The following ZNF385D variants were observed in gnomAD, a reference collection of about 807,000 sequenced individuals.
ZNF385D encodes the protein zinc finger protein 385D.
A neutral mutation model predicts 35.8 loss-of-function variants in ZNF385D; 15 were observed. The ratio of observed to expected loss-of-function variants is 0.42; its 90% CI spans 0.28 to 0.64. The LOEUF is 0.64. Ranked by LOEUF, ZNF385D falls within the 30% of genes least tolerant of loss-of-function variation. The pLI, the probability that ZNF385D is intolerant of heterozygous loss-of-function variation, is 0.23. For synonymous variants in ZNF385D, 212 were observed against 186.8 expected, an observed-to-expected ratio of 1.13 and a Z score of -1.10; for missense variants, 474 against 494.6, an observed-to-expected ratio of 0.96 and a Z score of 0.39.
chr3:22,101,913 G>T (rs947403465), intron 3 of ZNF385D, among the ~76,000 whole-genome samples: 2 of 151,436 alleles, frequency 1.3e-5, no homozygotes, highest in African/African-American at 4.9e-5. Context: ...ATTTACTCAA[G>T]TAACAGAGTA....
Position 22,022,546 on chromosome 3 carries a change from A to G in ZNF385D, c.325+146271T>C, listed in dbSNP as rs1697290150. Among the ~76,000 whole-genome samples the G allele has an allele frequency of 2.0e-5, 3 of 152,172 alleles. 1 individual carries two copies. The South Asian group carries it at 6.2e-4, about 31-fold the overall frequency. On this transcript the variant is annotated intron_variant, in intron 3 of 5. Transcript: ENST00000494108. The stretch of plus-strand genomic sequence containing the variant: ...AGCAAATATACCCCAAAGGAAATCA[A>G]GAAAAAAGAAATGATTTATCATAAA...
At chr3:22,092,267 G>A (rs913494677) in intron 3 of ZNF385D, among the ~76,000 whole-genome samples, 1 of 152,148 alleles carries the variant, frequency 6.6e-6, no homozygotes, top group Non-Finnish European at 1.5e-5. Context: ...AAGCTACTAA[G>A]GGGGAAATTG....
At chr3:21,661,310 C>T (rs1382536218) in intron 2 of ZNF385D, among the ~76,000 whole-genome samples, 2 of 152,168 alleles carry the variant, frequency 1.3e-5, no homozygotes, top group Non-Finnish European at 1.5e-5. Context: ...GTACATCTTT[C>T]TGTATAAACA....
chr3:22,240,011 TA>T (rs1421781862), intron 2 of ZNF385D, among the ~76,000 whole-genome samples: 33 of 147,074 alleles, frequency 2.2e-4, no homozygotes, highest in Admixed American at 2.2e-3. Flanking sequence ...ACCCAGTCTC[TA>T]CAAAAAAAAA....
At chr3:22,005,413 A>G (rs887183297) in intron 3 of ZNF385D, among the ~76,000 whole-genome samples, 37 of 152,090 alleles carry the variant, frequency 2.4e-4, no homozygotes, top group African/African-American at 8.7e-4. Context: ...AATAAGGGAG[A>G]TCTATTGTTC....
chr3:22,037,991 T>C (rs1216469859), intron 3 of ZNF385D, among the ~76,000 whole-genome samples: 2 of 152,064 alleles, frequency 1.3e-5, no homozygotes, highest in Non-Finnish European at 2.9e-5. Context: ...GATTCCCTAT[T>C]TAATAAATGG....
chr3:22,206,278 A>G (rs1473614393), intron 2 of ZNF385D, among the ~76,000 whole-genome samples: 2 of 152,038 alleles, frequency 1.3e-5, no homozygotes, highest in Non-Finnish European at 2.9e-5. Context: ...CCAGATATAT[A>G]AAGCAAATAT....
At chr3:22,211,524 C>G (rs17011017) in intron 2 of ZNF385D, among the ~76,000 whole-genome samples, 1 of 151,638 alleles carries the variant, frequency 6.6e-6, no homozygotes, top group African/African-American at 2.4e-5. Flanking sequence ...AGACTAGGCT[C>G]GGATTTCATT....
intron 3 of ZNF385D, among the ~76,000 whole-genome samples, chr3:21,560,405 G>A (rs2062899050): frequency 6.6e-6 from 1 of 152,078 alleles, no homozygotes; most frequent in Non-Finnish European, 1.5e-5. Flanking sequence ...TCTTCTAATA[G>A]GCCCCTCTGC....
intron 3 of ZNF385D, among the ~76,000 whole-genome samples, chr3:21,820,046 CAGTA>C (rs753753958): frequency 2.6e-5 from 4 of 151,000 alleles, no homozygotes; most frequent in East Asian, 2.0e-4. Context: ...ATATAAAAAA[CAGTA>C]AGAATATAAA....
rs73048365 is a variant in ZNF385D, at chr3:21,508,823, T to G, written c.439+2038A>C. Among the ~76,000 whole-genome samples the G allele has an allele frequency of 3.4e-3, 522 of 152,314 alleles. 1 individual carries two copies. Among genetic ancestry groups the G allele is most frequent in the Non-Finnish European group, 6.0e-3 (411 of 68,030 alleles). On this transcript the variant is annotated intron_variant, in intron 4 of 7. Coordinates refer to ENST00000281523, the MANE Select transcript of ZNF385D (RefSeq NM_024697.3). Reference sequence around the variant, plus strand: ...ATCTGTGTTTTCTGGGCAGCCATTCTCCAACTTAACACTTGGATAAACTCT... The same window carrying G: ...ATCTGTGTTTTCTGGGCAGCCATTCGCCAACTTAACACTTGGATAAACTCT...
chr3:22,273,963 T>C (rs1405646844), intron 2 of ZNF385D, among the ~76,000 whole-genome samples: 1 of 152,184 alleles, frequency 6.6e-6, no homozygotes, highest in East Asian at 1.9e-4. Flanking sequence ...TACCATTAAA[T>C]GCTGCCATTA....
In ZNF385D at chr3:22,187,848, T is replaced by C. The variant is rs755444268; in HGVS notation, c.107-18813A>G. On this transcript the variant is annotated intron_variant, in intron 2 of 5. Coordinates refer to the ZNF385D transcript ENST00000494108. ...GATGCAGTTGGACACTGAGAGACTA[T>C]CTTTCCCAGCCTTCCTTTCTCCCAG... Among the ~76,000 whole-genome samples the C allele has an allele frequency of 7.2e-5, 11 of 152,282 alleles. No individual in the cohort carries two copies. In the East Asian group the frequency reaches 1.4e-3, roughly 19 times the overall value.
At chr3:21,838,964 G>A (rs913235484) in intron 3 of ZNF385D, among the ~76,000 whole-genome samples, 2 of 152,038 alleles carry the variant, frequency 1.3e-5, no homozygotes, top group Non-Finnish European at 2.9e-5. Context: ...GATGCTTACA[G>A]CAGTCTATGA....
chr3:21,786,034 A>T (rs1264094918), intron 3 of ZNF385D, among the ~76,000 whole-genome samples: 4 of 131,874 alleles, frequency 3.0e-5, no homozygotes, highest in Non-Finnish European at 4.9e-5. Flanking sequence ...TTTTTTTTTT[A>T]CCATGTGACT....
intron 2 of ZNF385D, among the ~76,000 whole-genome samples, chr3:22,343,055 A>C (rs2125482173): frequency 6.6e-6 from 1 of 152,352 alleles, no homozygotes; most frequent in African/African-American, 2.4e-5. Flanking sequence ...ATTGTTTTAT[A>C]ATGATTATAC....
At chr3:22,359,267 A>G (rs1696303688) in intron 2 of ZNF385D, among the ~76,000 whole-genome samples, 1 of 151,806 alleles carries the variant, frequency 6.6e-6, no homozygotes, top group South Asian at 2.1e-4. Flanking sequence ...TATACACAGA[A>G]GTATTATTAT....
chr3:21,566,662 A>AGGAGAGAGG (rs2063158417), intron 2 of ZNF385D, among the ~76,000 whole-genome samples: 1 of 152,110 alleles, frequency 6.6e-6, no homozygotes, highest in African/African-American at 2.4e-5. Flanking sequence ...TCACTAGTGA[A>AGGAGAGAGG]TTCTATAATA....
At position 22,081,162 on chromosome 3, in the gene ZNF385D, T is replaced by C. The variant is rs536283649; in HGVS notation, c.325+87655A>G. 2.0e-5 allele frequency among the ~76,000 whole-genome samples: 3 copies of C among 152,340 alleles called. No homozygotes were observed. The East Asian group carries it at 5.8e-4, about 29-fold the overall frequency. On this transcript the variant is annotated intron_variant, in intron 3 of 5. Transcript: ENST00000494108. ...TTTCTCTACAAAATGTAATAAATGT[T>C]CAATCTATGATTTTTATTAGATATT...
Sources: allele counts gnomAD v4.1 joint callset (sites outside exome capture counted in the v4.1 genomes callset), GRCh38; gene constraint gnomAD v4.1.1; transcripts MANE v1.5; gene names NCBI Gene and HGNC (gene_info 2026-07-23, HGNC 2026-07-21).